The following RGS6 variants were observed in gnomAD, a reference collection of about 807,000 sequenced individuals.
RGS6 encodes regulator of G protein signaling 6.
Under a neutral mutation model 78.5 loss-of-function variants are expected in RGS6, and 30 were observed. That is an observed-to-expected ratio of 0.38 (90% CI 0.29 to 0.52). The LOEUF (loss-of-function observed/expected upper bound fraction) is 0.52. Ranked by LOEUF, RGS6 falls within the 20% of genes least tolerant of loss-of-function variation. The pLI, the probability that RGS6 is intolerant of heterozygous loss-of-function variation, is 0.85. For missense variants in RGS6, 495 were observed against 609.7 expected (o/e 0.81, Z 1.98); for synonymous variants, 206 against 206.0 (o/e 1.00, Z 0.00).
chr14:72,087,744 T>C (rs1161655493), intron 2 of RGS6, among the ~76,000 whole-genome samples: 2 of 152,058 alleles, frequency 1.3e-5, no homozygotes, highest in African/African-American at 4.8e-5. Flanking sequence ...AAATCATGGA[T>C]TCGCAATTCT....
intron 2 of RGS6, among the ~76,000 whole-genome samples, chr14:72,025,559 A>G (rs1001382781): frequency 1.3e-5 from 2 of 152,114 alleles, no homozygotes; most frequent in Non-Finnish European, 2.9e-5. Flanking sequence ...TCGGGTGGGG[A>G]GAGCCTCTTA....
chr14:72,031,889 A>G (rs57851285), intron 2 of RGS6, among the ~76,000 whole-genome samples: 6,658 of 152,272 alleles, frequency 0.044, 180 homozygotes, highest in African/African-American at 0.078. Flanking sequence ...TGCCTATGCC[A>G]TAGTTTACAG....
At chr14:71,965,964 A>G (rs1036098432) in intron 2 of RGS6, among the ~76,000 whole-genome samples, 1 of 152,344 alleles carries the variant, frequency 6.6e-6, no homozygotes, top group Admixed American at 6.5e-5. Context: ...AATGAAAATC[A>G]TTGGTGCTAT....
rs558574117 is a variant in RGS6 at position 72,467,129 on chromosome 14, A to AT, written c.459+1317dup. ...CACTTGAAAACTCATAGATCATTTA[A>AT]TTTTTTTTTTAACTTTTGGTTGCAA... On this transcript the variant is annotated intron_variant, in intron 7 of 17. Coordinates refer to ENST00000553525, the MANE Select transcript of RGS6 (RefSeq NM_001204424.2). 3.4e-4 allele frequency among the ~76,000 whole-genome samples: 51 copies of AT among 150,518 alleles called. 1 individual carries two copies. The South Asian group carries it at 6.3e-3, about 19-fold the overall frequency.
intron 2 of RGS6, among the ~76,000 whole-genome samples, chr14:72,132,756 G>A (rs1057007024): frequency 6.6e-6 from 1 of 151,068 alleles, no homozygotes; most frequent in African/African-American, 2.4e-5. Context: ...TCAAAAGTTT[G>A]GAAGTCAGAC....
At chr14:72,272,921 C>G (rs1410086566) in intron 2 of RGS6, among the ~76,000 whole-genome samples, 1 of 152,160 alleles carries the variant, frequency 6.6e-6, no homozygotes, top group Non-Finnish European at 1.5e-5. Flanking sequence ...TTGAGACCAG[C>G]CTGGCCAACA....
intron 2 of RGS6, among the ~76,000 whole-genome samples, chr14:72,014,518 G>A (rs969510810): frequency 6.6e-6 from 1 of 152,214 alleles, no homozygotes; most frequent in Non-Finnish European, 1.5e-5. Context: ...CAACAACTGA[G>A]GTGGGTGATG....
At chr14:72,364,098 T>C (rs1353204881) in intron 3 of RGS6, among the ~76,000 whole-genome samples, 3 of 151,728 alleles carry the variant, frequency 2.0e-5, no homozygotes, top group Non-Finnish European at 4.4e-5. Flanking sequence ...TCTATCTAGT[T>C]AGAATACATT....
Position 71,990,206 on chromosome 14 carries a change from C to T in RGS6, c.84+25331C>T, listed in dbSNP as rs2094896320. On this transcript the variant is annotated intron_variant, in intron 2 of 17. Coordinates refer to ENST00000553525, the MANE Select transcript of RGS6 (RefSeq NM_001204424.2). ...TCATGAGGGTTCTACGCCTATAACT[C>T]AAACACCTTCCCCTAGGCCCCACCT... Among the ~76,000 whole-genome samples the T allele has an allele frequency of 2.0e-5, 3 of 152,172 alleles. No individual in the cohort carries two copies. The South Asian group carries it at 6.2e-4, about 32-fold the overall frequency.
At chr14:72,420,998 G>A (rs2094146046) in intron 3 of RGS6, 1 of 152,110 alleles carries the variant, frequency 6.6e-6, no homozygotes, top group Non-Finnish European at 1.5e-5. Flanking sequence ...AGAAAGGAAT[G>A]CCGGCCTCGA....
chr14:72,399,270 C>T (rs1195894990), intron 3 of RGS6, among the ~76,000 whole-genome samples: 1 of 152,036 alleles, frequency 6.6e-6, no homozygotes, highest in East Asian at 1.9e-4. Flanking sequence ...GTATTGATCC[C>T]CTTTACCATT....
In RGS6 at chr14:72,051,394, G is replaced by T. The variant is rs1333875619; in HGVS notation, c.84+86519G>T. Among the ~76,000 whole-genome samples, 5 of 152,062 alleles carry T rather than the reference G, an allele frequency of 3.3e-5. No individual in the cohort carries two copies. In the East Asian group the frequency reaches 9.6e-4, roughly 29 times the overall value. ...ATCCACCAAGAATTTATACAGCCAT[G>T]GTTCTTTACGTATGGAAAATTAGCG... On this transcript the variant is annotated intron_variant, in intron 2 of 17. Coordinates refer to ENST00000553525, the MANE Select transcript of RGS6 (RefSeq NM_001204424.2).
At chr14:72,211,189 A>T (rs1378141771) in intron 2 of RGS6, among the ~76,000 whole-genome samples, 1 of 152,222 alleles carries the variant, frequency 6.6e-6, no homozygotes, top group Non-Finnish European at 1.5e-5. Context: ...GGTTTTGAAG[A>T]ATCAGAAAGA....
chr14:72,395,177 A>G (rs2090919982), intron 3 of RGS6, among the ~76,000 whole-genome samples: 1 of 152,230 alleles, frequency 6.6e-6, no homozygotes, highest in Non-Finnish European at 1.5e-5. Context: ...GACCACGAGT[A>G]CTCATTTTAA....
intron 2 of RGS6, among the ~76,000 whole-genome samples, chr14:72,283,850 T>G (rs538617874): frequency 2.4e-4 from 37 of 152,320 alleles, no homozygotes; most frequent in African/African-American, 8.9e-4. Context: ...TGGGAAAGTT[T>G]GGAACTTCCT....
At chr14:72,107,765 G>A (rs2095664412) in intron 2 of RGS6, among the ~76,000 whole-genome samples, 1 of 151,910 alleles carries the variant, frequency 6.6e-6, no homozygotes, top group Admixed American at 6.6e-5. Context: ...TCTTTTTCCT[G>A]CCCAAACAAT....
chr14:72,331,666 T>C (rs2075074751), intron 2 of RGS6, among the ~76,000 whole-genome samples: 1 of 152,166 alleles, frequency 6.6e-6, no homozygotes, highest in South Asian at 2.1e-4. Context: ...TCCCCCTCTT[T>C]TTCTCTGACT....
chr14:72,421,228 A>C (rs993696168), intron 3 of RGS6: 4 of 152,234 alleles, frequency 2.6e-5, no homozygotes, highest in Admixed American at 6.6e-5. Context: ...AGGGGAAGGG[A>C]TGGGACTGGA....
intron 1 of RGS6, among the ~76,000 whole-genome samples, chr14:71,949,652 A>C (rs542092329): frequency 1.3e-5 from 2 of 151,872 alleles, no homozygotes; most frequent in South Asian, 4.2e-4. Flanking sequence ...TGAATTGGAG[A>C]TCTCACTTTG....
Sources: gnomAD v4.1 joint callset for allele counts (sites outside exome capture counted in the v4.1 genomes callset) on GRCh38, gnomAD v4.1.1 for gene constraint, MANE v1.5 for transcripts, NCBI Gene and HGNC (gene_info 2026-07-23, HGNC 2026-07-21) for gene names.